Variants in R3HDM1 observed in about 807,000 individuals in gnomAD.
R3HDM1 encodes R3H domain containing 1, also known as R3H domain-containing protein 1.
R3HDM1 carries 46 observed loss-of-function variants against 141.1 expected under a neutral mutation model. The observed-to-expected ratio is 0.33, with a 90% CI of 0.26 to 0.42. The LOEUF (loss-of-function observed/expected upper bound fraction) is 0.42, where lower values mean the gene tolerates loss of function less well. Ranked by LOEUF, R3HDM1 falls within the 10% of genes least tolerant of loss-of-function variation. The probability of loss-of-function intolerance (pLI) is 1.00; values close to 1 mark genes in which losing one functional copy is unlikely to be tolerated. For missense variants in R3HDM1, 1,184 were observed against 1,368.3 expected, an observed-to-expected ratio of 0.87 and a Z score of 2.12; for synonymous variants, 435 against 472.9, an observed-to-expected ratio of 0.92 and a Z score of 1.04.
chr2:135,623,434 C>T (rs1455412020), intron 7 of R3HDM1, among the ~76,000 whole-genome samples: 3 of 152,086 alleles, frequency 2.0e-5, no homozygotes, highest in East Asian at 1.9e-4. Context: ...TATGGGCACA[C>T]GGAAGATAAG....
chr2:135,595,552 A>G (rs1710456785), intron 1 of R3HDM1, among the ~76,000 whole-genome samples: 1 of 152,272 alleles, frequency 6.6e-6, no homozygotes, highest in Admixed American at 6.5e-5. Context: ...GATTAAATGA[A>G]TTAATACACT....
At chr2:135,672,573 C>G (rs1338777312) in intron 19 of R3HDM1, among the ~76,000 whole-genome samples, 1 of 152,214 alleles carries the variant, frequency 6.6e-6, no homozygotes, top group East Asian at 1.9e-4. Context: ...CTAAAACTGC[C>G]TAATTTCAAA....
chr2:135,582,940 A>C (rs1303338778), intron 1 of R3HDM1, among the ~76,000 whole-genome samples: 1 of 152,224 alleles, frequency 6.6e-6, no homozygotes, highest in Non-Finnish European at 1.5e-5. Flanking sequence ...GGAAAGGGTT[A>C]CACAGAAAAG....
At chr2:135,570,439 C>T (rs2104992668) in intron 1 of R3HDM1, among the ~76,000 whole-genome samples, 1 of 152,312 alleles carries the variant, frequency 6.6e-6, no homozygotes, top group Admixed American at 6.5e-5. Context: ...GATTAGATGA[C>T]TGTGTTACAG....
At chr2:135,691,983 T>C (rs2072469828) in intron 21 of R3HDM1, among the ~76,000 whole-genome samples, 2 of 151,956 alleles carry the variant, frequency 1.3e-5, no homozygotes, top group African/African-American at 4.8e-5. Flanking sequence ...AGATCTCAGC[T>C]CACTGAGCAA....
chr2:135,590,269 A>T (rs1041224124), intron 1 of R3HDM1, among the ~76,000 whole-genome samples: 1 of 152,210 alleles, frequency 6.6e-6, no homozygotes. Flanking sequence ...GTTTGAAAAT[A>T]TACAGTGACT....
intron 19 of R3HDM1, 71 bp from the exon 20 acceptor site, chr2:135,675,261 T>A: frequency 7.0e-7 from 1 of 1,427,752 alleles, no homozygotes. Flanking sequence ...AAGTACTCGC[T>A]TAAATTTTTT....
At chr2:135,536,391 C>G (rs1696121116) in intron 1 of R3HDM1, 1 of 272,370 alleles carries the variant, frequency 3.7e-6, no homozygotes, top group Non-Finnish European at 5.6e-6. Flanking sequence ...AAGCAATCCT[C>G]CTGCCTTAGC....
intron 1 of R3HDM1, among the ~76,000 whole-genome samples, chr2:135,571,318 T>A (rs943308048): frequency 1.1e-4 from 17 of 151,982 alleles, no homozygotes; most frequent in East Asian, 1.9e-4. Context: ...TTATTTTTTT[T>A]TAATTATTCA....
chr2:135,556,086 G>C (rs1483941564), intron 1 of R3HDM1, among the ~76,000 whole-genome samples: 1 of 152,128 alleles, frequency 6.6e-6, no homozygotes, highest in Non-Finnish European at 1.5e-5. Context: ...AATGAACCTT[G>C]AAAACATGCT....
chr2:135,620,187 T>C lies in R3HDM1; in HGVS notation c.304-1307T>C, dbSNP rs997299849. ...CTTTTAGTGAAGATCTAAGAGGAGG[T>C]AGTGTGAAATCTTTTCTCCCAGCCT... On this transcript the variant is annotated intron_variant, in intron 5 of 26. Transcript: ENST00000683871. 8 of 487,206 alleles carry C rather than the reference T, an allele frequency of 1.6e-5. No homozygotes were observed. The African/African-American group carries it at 1.7e-4, about 10-fold the overall frequency. 30.2% of individuals were successfully genotyped at this position (487,206 alleles called of 1,614,324 possible). A position where few individuals can be genotyped will look rare whatever the true frequency, so the allele number is the denominator to read the frequency against.
At chr2:135,716,652 C>T (rs906462452) in intron 24 of R3HDM1, among the ~76,000 whole-genome samples, 10 of 152,034 alleles carry the variant, frequency 6.6e-5, no homozygotes, top group African/African-American at 2.4e-4. Flanking sequence ...TAAAGAATCA[C>T]TAAAAGGGGG....
chr2:135,596,354 T>A (rs2059187048), intron 1 of R3HDM1, among the ~76,000 whole-genome samples: 1 of 152,178 alleles, frequency 6.6e-6, no homozygotes. Flanking sequence ...GTTATTCTCA[T>A]TTATTTTCAG....
At chr2:135,695,592 G>A (rs2073122325) in intron 21 of R3HDM1, among the ~76,000 whole-genome samples, 1 of 152,144 alleles carries the variant, frequency 6.6e-6, no homozygotes, top group Non-Finnish European at 1.5e-5. Flanking sequence ...AAGTTATAGA[G>A]AAAATCTTAA....
Position 135,661,382 on chromosome 2 carries a change from C to T in R3HDM1, c.2141C>T (p.Ala714Val), listed in dbSNP as rs199515262. 4.8e-5 allele frequency: 77 copies of T among 1,613,874 alleles called. No homozygotes were observed. The East Asian group carries it at 1.4e-3, about 28-fold the overall frequency. ...CTAAACCAACCACTGCCACAACCTG[C>T]GCAGCAGACAGGTGAGTTGTGTTTC... The part of the protein sequence containing the change: ...SHLNQPLPQP[A>V]QQTGYQVIPN... The change falls in exon 19 of 27, where the codon GCG becomes GTG. Residue 714 changes from alanine to valine, a missense_variant. Transcript: ENST00000683871.
At position 135,651,760 on chromosome 2, in the gene R3HDM1, A is replaced by G. The variant is rs770463635; in HGVS notation, c.1756A>G (p.Met586Val). 3.1e-6 allele frequency: 5 copies of G among 1,613,630 alleles called. No individual in the cohort carries two copies. The highest frequency in any genetic ancestry group is 4.2e-6 in the Non-Finnish European group (5 of 1,179,694). The change falls in exon 18 of 27, where the codon ATG becomes GTG. Residue 586 changes from methionine to valine, a missense_variant. Physicochemically the swap from Met to Val is conservative, Grantham distance 21. Coordinates refer to ENST00000683871, the MANE Select transcript of R3HDM1 (RefSeq NM_001378107.1). ...TAACCTAGGGTCTCAGTTTAGCCAC[A>G]TGAGTCTTGCTCGCCAGCCATCTGC... ...QDNLGSQFSHMSLARQPSADG... is the reference protein window; with the variant it reads ...QDNLGSQFSHVSLARQPSADG...
intron 18 of R3HDM1, among the ~76,000 whole-genome samples, chr2:135,657,110 A>C (rs2066005868): frequency 6.8e-6 from 1 of 147,196 alleles, no homozygotes. Context: ...AAAAAAAGAG[A>C]GAGAGATATT....
chr2:135,650,410 G>A, intron 17 of R3HDM1: 1 of 984,688 alleles, frequency 1.0e-6, no homozygotes, highest in Non-Finnish European at 1.2e-6. Flanking sequence ...AGGGTGAGTT[G>A]TAGCTTACAG....
At chr2:135,543,311 A>G (rs1698016519) in intron 1 of R3HDM1, among the ~76,000 whole-genome samples, 1 of 151,902 alleles carries the variant, frequency 6.6e-6, no homozygotes. Context: ...TTTCAATTCT[A>G]TTTCGTTGAT....
Sources: gnomAD v4.1 joint callset for allele counts (sites outside exome capture counted in the v4.1 genomes callset) on GRCh38, gnomAD v4.1.1 for gene constraint, MANE v1.5 for transcripts, NCBI Gene and HGNC (gene_info 2026-07-23, HGNC 2026-07-21) for gene names.